TRHDE: variants seen among roughly 807,000 people sequenced by gnomAD.
The protein encoded by TRHDE is thyrotropin releasing hormone degrading enzyme, also known as thyrotropin-releasing hormone-degrading ectoenzyme.
A neutral mutation model predicts 125.7 loss-of-function variants in TRHDE; 72 were observed. The ratio of observed to expected loss-of-function variants is 0.57; its 90% CI spans 0.47 to 0.70. The LOEUF is 0.70. Among genes scored for constraint, TRHDE ranks in the 30% least tolerant of loss-of-function variants. TRHDE has a pLI of 0.00. For synonymous variants in TRHDE, 509 were observed against 509.1 expected (o/e 1.00, Z 0.00); for missense variants, 1,110 against 1,327.1 (o/e 0.84, Z 2.54).
At chr12:72,108,106 C>A (rs1265048741) in intron 2 of TRHDE, among the ~76,000 whole-genome samples, 1 of 152,064 alleles carries the variant, frequency 6.6e-6, no homozygotes, top group Non-Finnish European at 1.5e-5. Flanking sequence ...TCCAAACCAG[C>A]CAATTCTGGG....
At chr12:72,401,590 A>G (rs1272369335) in intron 3 of TRHDE, among the ~76,000 whole-genome samples, 2 of 152,218 alleles carry the variant, frequency 1.3e-5, no homozygotes, top group East Asian at 3.9e-4. Flanking sequence ...ATTTTCATAA[A>G]ATACCCAGTG....
At chr12:72,421,763 C>A (rs909302292) in intron 3 of TRHDE, among the ~76,000 whole-genome samples, 2 of 152,154 alleles carry the variant, frequency 1.3e-5, no homozygotes, top group African/African-American at 4.8e-5. Flanking sequence ...GTGGAAACAT[C>A]TAGGAAAACC....
chr12:72,515,456 A>C (rs1243669308), intron 6 of TRHDE, among the ~76,000 whole-genome samples: 1 of 151,420 alleles, frequency 6.6e-6, no homozygotes, highest in African/African-American at 2.4e-5. Flanking sequence ...GTGTCTGTTC[A>C]TGTCCTTTGC....
intron 2 of TRHDE, among the ~76,000 whole-genome samples, chr12:72,228,286 TCTTTA>T (rs1878177011): frequency 6.6e-6 from 1 of 152,210 alleles, no homozygotes; most frequent in Non-Finnish European, 1.5e-5. Flanking sequence ...AAACCTCGGT[TCTTTA>T]CTTCTGTGCA....
intron 3 of TRHDE, among the ~76,000 whole-genome samples, chr12:72,384,074 T>G (rs1872310184): frequency 6.6e-6 from 1 of 152,208 alleles, no homozygotes; most frequent in Non-Finnish European, 1.5e-5. Flanking sequence ...GTATTGCAAA[T>G]GTGTTTTAAT....
At chr12:72,351,244 A>G (rs986001919) in intron 2 of TRHDE, among the ~76,000 whole-genome samples, 1 of 152,148 alleles carries the variant, frequency 6.6e-6, no homozygotes, top group South Asian at 2.1e-4. Flanking sequence ...AAAGTAATGG[A>G]TGTCCCACAG....
chr12:72,500,849 C>CT (rs11314911), intron 6 of TRHDE, among the ~76,000 whole-genome samples: 60,821 of 109,122 alleles, frequency 0.56, 16,576 homozygotes, highest in South Asian at 0.67. Flanking sequence ...CAACTTTGTT[C>CT]TTTTTTTTTT....
At chr12:72,372,010 A>G (rs1321633252) in intron 2 of TRHDE, among the ~76,000 whole-genome samples, 2 of 152,326 alleles carry the variant, frequency 1.3e-5, no homozygotes, top group Non-Finnish European at 1.5e-5. Context: ...TCCCACCAAC[A>G]GTATAAAAGT....
chr12:72,484,367 C>T (rs1234116761), intron 5 of TRHDE, among the ~76,000 whole-genome samples: 1 of 152,120 alleles, frequency 6.6e-6, no homozygotes, highest in African/African-American at 2.4e-5. Context: ...GAAGTATTAT[C>T]TCTTAGAAAC....
chr12:72,653,557 T>C (rs1191845763), intron 17 of TRHDE, among the ~76,000 whole-genome samples: 1 of 152,134 alleles, frequency 6.6e-6, no homozygotes, highest in Non-Finnish European at 1.5e-5. Flanking sequence ...TTTTAAATTT[T>C]CTTTAAATAT....
At chr12:72,092,850 T>A (rs974246585) in intron 1 of TRHDE, among the ~76,000 whole-genome samples, 1 of 152,194 alleles carries the variant, frequency 6.6e-6, no homozygotes, top group Admixed American at 6.5e-5. Context: ...ACAACTTACA[T>A]GTATTATCAG....
chr12:72,528,486 T>C (rs1868383261), intron 6 of TRHDE, among the ~76,000 whole-genome samples: 1 of 152,192 alleles, frequency 6.6e-6, no homozygotes, highest in Non-Finnish European at 1.5e-5. Flanking sequence ...TGAAAAATAT[T>C]TAGATTTTTT....
intron 3 of TRHDE, among the ~76,000 whole-genome samples, chr12:72,405,878 C>T (rs1373745959): frequency 6.6e-6 from 1 of 152,188 alleles, no homozygotes; most frequent in African/African-American, 2.4e-5. Flanking sequence ...GTCTTCAATT[C>T]ATATCACTAT....
chr12:72,353,023 C>G (rs938536816), intron 2 of TRHDE, among the ~76,000 whole-genome samples: 2 of 151,272 alleles, frequency 1.3e-5, no homozygotes, highest in Non-Finnish European at 3.0e-5. Flanking sequence ...CCAATACAAC[C>G]ATGAATACAA....
intron 2 of TRHDE, among the ~76,000 whole-genome samples, chr12:72,172,562 C>T (rs1876896663): frequency 1.3e-5 from 2 of 152,006 alleles, no homozygotes; most frequent in Non-Finnish European, 2.9e-5. Context: ...AAGGGTATGA[C>T]CAATATAACA....
chr12:72,630,886 CA>C (rs747171265), intron 15 of TRHDE, among the ~76,000 whole-genome samples: 10,039 of 116,678 alleles, frequency 0.086, 397 homozygotes, highest in Middle Eastern at 0.14. Flanking sequence ...AAATTCATAG[CA>C]AAAAAAAAAA....
At chr12:72,113,712 G>A (rs770460691) in intron 2 of TRHDE, among the ~76,000 whole-genome samples, 3 of 151,490 alleles carry the variant, frequency 2.0e-5, no homozygotes, top group African/African-American at 7.3e-5. Context: ...AAATTCCAGG[G>A]GTTTGAAAAG....
In TRHDE at chr12:72,325,508, A is replaced by G. The variant is rs1189090797; in HGVS notation, c.1188+38554A>G. On this transcript the variant is annotated intron_variant, in intron 2 of 18. Transcript: ENST00000261180. ...AATTTGATGTTTTAGGAATAAAGAA[A>G]CCATGCAAATATAGCAAACAACACC... is the stretch of plus-strand genomic sequence containing the variant. 4.6e-5 allele frequency among the ~76,000 whole-genome samples: 7 copies of G among 152,286 alleles called. No individual in the cohort carries two copies. The South Asian group carries it at 1.2e-3, about 27-fold the overall frequency.
At chr12:72,566,116 G>A (rs1459209388) in intron 9 of TRHDE, among the ~76,000 whole-genome samples, 2 of 151,900 alleles carry the variant, frequency 1.3e-5, no homozygotes, top group African/African-American at 2.4e-5. Context: ...TGAAATTTAT[G>A]AAAAGTCCAC....
Sources: gnomAD v4.1 joint callset for allele counts (sites outside exome capture counted in the v4.1 genomes callset) on GRCh38, gnomAD v4.1.1 for gene constraint, MANE v1.5 for transcripts, NCBI Gene and HGNC (gene_info 2026-07-23, HGNC 2026-07-21) for gene names.